The following ANKRD60 variants were observed in gnomAD, a reference collection of about 807,000 sequenced individuals.
The protein encoded by ANKRD60 is ankyrin repeat domain 60, also known as ankyrin repeat domain-containing protein 60.
ANKRD60 carries 24 observed loss-of-function variants against 21.3 expected under a neutral mutation model. The ratio of observed to expected loss-of-function variants is 1.13; its 90% CI spans 0.82 to 1.59. The LOEUF (loss-of-function observed/expected upper bound fraction) is 1.59, where lower values mean the gene tolerates loss of function less well. Among genes scored for constraint, ANKRD60 ranks in the 40% most tolerant of loss-of-function variants. ANKRD60 has a pLI of 0.00. For synonymous variants in ANKRD60, 182 were observed against 199.4 expected (o/e 0.91, Z 0.74); for missense variants, 490 against 466.7 (o/e 1.05, Z -0.46).
Position 58,222,629 on chromosome 20 carries a change from C to T in ANKRD60, c.561+423G>A, listed in dbSNP as rs6128293. On this transcript the variant is annotated intron_variant, in intron 2 of 3. Transcript: ENST00000457363. ...AGGACAGAGCGCCCGCCGCTCACCCCGGGAACGAGGGGCCTCTCCCTCCGG... is the reference window on the plus strand; with the variant it reads ...AGGACAGAGCGCCCGCCGCTCACCCTGGGAACGAGGGGCCTCTCCCTCCGG... 0.012 allele frequency among the ~76,000 whole-genome samples: 1,865 copies of T among 152,282 alleles called. 102 individuals carry two copies. The East Asian group carries it at 0.19, about 16-fold the overall frequency.
intron 2 of ANKRD60, 113 bp from the exon 3 acceptor site, chr20:58,221,616 A>G (rs1290843625): frequency 8.2e-7 from 1 of 1,222,880 alleles, no homozygotes; most frequent in Non-Finnish European, 1.1e-6. Context: ...ATTAAGGCTC[A>G]TGATGGGAAA....
intron 2 of ANKRD60, 78 bp from the exon 3 acceptor site, chr20:58,221,581 A>G: frequency 6.9e-7 from 1 of 1,448,674 alleles, no homozygotes; most frequent in Non-Finnish European, 9.3e-7. Flanking sequence ...GGGCATGCTC[A>G]GGGGAAGGCT....
At chr20:58,223,090 C>T in exon 2 of ANKRD60, 1 of 1,551,792 alleles carries the variant, frequency 6.4e-7, no homozygotes, top group Non-Finnish European at 8.7e-7. Flanking sequence ...AAAACAAGTT[C>T]TGTCCATCCG....
At chr20:58,221,283 T>C in intron 3 of ANKRD60, 55 bp downstream of exon 3, 2 of 1,524,748 alleles carry the variant, frequency 1.3e-6, no homozygotes, top group Non-Finnish European at 1.8e-6. Flanking sequence ...CTCTGTCCTT[T>C]CTACCTGCAA....
intron 3 of ANKRD60, 127 bp from the exon 4 acceptor site, chr20:58,218,932 C>G: frequency 1.2e-6 from 1 of 814,348 alleles, no homozygotes; most frequent in Admixed American, 3.0e-5. Flanking sequence ...TACTGCCCTG[C>G]CCCCAGTCCA....
At position 58,228,228 on chromosome 20, in the gene ANKRD60, G is replaced by A. The variant is rs1392250677; in HGVS notation, c.426C>T (p.Asp142=). ...AGGAGTCAGGGCAGGAGCCACCTTC[G>A]TCGAGGTACTGGAGCCGCTGGAGGT... The change falls in exon 1 of 4, where the codon GAC becomes GAT. Residue 142 remains aspartate, a synonymous_variant. Transcript: ENST00000457363. This position sits in a 1 kb window ranked among gnomAD's most constrained non-coding sequence, Gnocchi z 5.3. 1.3e-6 allele frequency: 2 copies of A among 1,547,340 alleles called. No homozygotes were observed. The highest frequency in any genetic ancestry group is 1.7e-6 in the Non-Finnish European group (2 of 1,144,250).
chr20:58,224,187 C>T (rs116359430), intron 1 of ANKRD60, among the ~76,000 whole-genome samples: 287 of 152,090 alleles, frequency 1.9e-3, no homozygotes, highest in African/African-American at 6.5e-3. Flanking sequence ...ATGTGAGGAG[C>T]TAATGCTGAC....
intron 3 of ANKRD60, among the ~76,000 whole-genome samples, chr20:58,220,581 G>GT (rs1184838281): frequency 6.6e-6 from 1 of 151,656 alleles, no homozygotes; most frequent in African/African-American, 2.4e-5. Flanking sequence ...TGAATGTCTT[G>GT]TGAGAAAATA....
intron 2 of ANKRD60, 57 bp downstream of exon 2, chr20:58,222,995 C>A (rs1984292202): frequency 1.3e-6 from 2 of 1,497,492 alleles, no homozygotes; most frequent in Non-Finnish European, 1.8e-6. Flanking sequence ...ATTTTCCCCC[C>A]ACAATTTACG....
chr20:58,218,690 G>A, exon 4 of ANKRD60: 1 of 1,551,754 alleles, frequency 6.4e-7, no homozygotes, highest in Non-Finnish European at 8.7e-7. Context: ...TGGCATCTCT[G>A]TCGTGGATGG....
chr20:58,220,915 G>A (rs1388708958), intron 3 of ANKRD60, among the ~76,000 whole-genome samples: 1 of 152,122 alleles, frequency 6.6e-6, no homozygotes, highest in South Asian at 2.1e-4. Context: ...TTACAGGCAT[G>A]AGCCACCGTG....
intron 3 of ANKRD60, 33 bp downstream of exon 3, chr20:58,221,305 T>G (rs765274048): frequency 1.3e-6 from 2 of 1,541,246 alleles, no homozygotes; most frequent in Non-Finnish European, 1.8e-6. Flanking sequence ...AAATCCCAAC[T>G]CATGAATATA....
intron 1 of ANKRD60, among the ~76,000 whole-genome samples, chr20:58,226,833 G>A (rs1044479978): frequency 6.6e-6 from 1 of 152,116 alleles, no homozygotes; most frequent in Non-Finnish European, 1.5e-5. Context: ...GGGTCCATAT[G>A]TGGGCAGGGT....
chr20:58,220,821 G>T (rs913591461), intron 3 of ANKRD60, among the ~76,000 whole-genome samples: 24 of 151,958 alleles, frequency 1.6e-4, no homozygotes, highest in African/African-American at 5.8e-4. Context: ...TAGAGACGGG[G>T]TTTCACCAGG....
chr20:58,226,904 G>A (rs1287678695), intron 1 of ANKRD60, among the ~76,000 whole-genome samples: 1 of 152,102 alleles, frequency 6.6e-6, no homozygotes, highest in African/African-American at 2.4e-5. Flanking sequence ...GGGTTCAGAT[G>A]CACAAATGGT....
At position 58,222,903 on chromosome 20, in the gene ANKRD60, G is replaced by T. The variant is rs796867344; in HGVS notation, c.561+149C>A. The T allele has an allele frequency of 3.7e-5, 39 of 1,045,094 alleles. No individual in the cohort carries two copies. In the African/African-American group the frequency reaches 5.5e-4, roughly 15 times the overall value. The allele number at this position is 1,045,094 out of a possible 1,614,324, so 64.7% of individuals were successfully genotyped here. ...AGGAGTGAAGGCAAACCCTCAGTGCGGTATTTCATAATTATGACACGGCTC... is the reference window on the plus strand; with the variant it reads ...AGGAGTGAAGGCAAACCCTCAGTGCTGTATTTCATAATTATGACACGGCTC... On this transcript the variant is annotated intron_variant, in intron 2 of 3. Transcript: ENST00000457363.
rs1341259117 is a variant in ANKRD60 at position 58,228,268 on chromosome 20, A to T, written c.386T>A (p.Val129Asp). Residue 129 changes from valine to aspartate, a missense_variant, in exon 1 of 4, where the codon GTC becomes GAC. Transcript: ENST00000457363. The surrounding 1 kb of genome is among the most constrained non-coding windows in gnomAD (Gnocchi z 5.3). ...CCGCTGGAGGTTGAAGGGGATGCCG[A>T]CCATCAGGTCCAGCTCCTCTTTGAG... 1 of 1,551,094 alleles carries T rather than the reference A, an allele frequency of 6.4e-7. No individual in the cohort carries two copies. Among genetic ancestry groups the T allele is most frequent in the East Asian group, 2.4e-5 (1 of 40,880 alleles).
chr20:58,217,211 A>T (rs1984154488), downstream of ANKRD60, among the ~76,000 whole-genome samples: 1 of 152,168 alleles, frequency 6.6e-6, no homozygotes, highest in African/African-American at 2.4e-5. Context: ...GGGGCAGATC[A>T]TGAGGTCAGG....
At chr20:58,224,096 T>C (rs1984318857) in intron 1 of ANKRD60, among the ~76,000 whole-genome samples, 2 of 151,286 alleles carry the variant, frequency 1.3e-5, no homozygotes, top group East Asian at 1.9e-4. Flanking sequence ...AGTGAAACCC[T>C]GTCTCCAAAA....
Sources: allele counts gnomAD v4.1 joint callset (sites outside exome capture counted in the v4.1 genomes callset), GRCh38; gene constraint gnomAD v4.1.1; non-coding constraint Gnocchi (gnomAD v3.1); transcripts MANE v1.5; gene names NCBI Gene and HGNC (gene_info 2026-07-23, HGNC 2026-07-21).